ERC2: variants seen among roughly 807,000 people sequenced by gnomAD.
ERC2 encodes the protein ELKS/RAB6-interacting/CAST family member 2.
ERC2 carries 42 observed loss-of-function variants against 114.8 expected under a neutral mutation model. The observed-to-expected ratio is 0.37, with a 90% CI of 0.29 to 0.47. The LOEUF is 0.47. ERC2 is among the 20% of genes least tolerant of loss of function. The pLI is 0.99. For missense variants in ERC2, 939 were observed against 1,150.7 expected, an observed-to-expected ratio of 0.82 and a Z score of 2.66; for synonymous variants, 454 against 425.5, an observed-to-expected ratio of 1.07 and a Z score of -0.82.
At chr3:55,803,817 G>T (rs909688611) in intron 14 of ERC2, among the ~76,000 whole-genome samples, 3 of 152,128 alleles carry the variant, frequency 2.0e-5, no homozygotes, top group African/African-American at 7.2e-5. Context: ...TCATGATTTA[G>T]TCTCTTGCTT....
At chr3:55,907,630 T>C (rs1490842254) in intron 13 of ERC2, among the ~76,000 whole-genome samples, 4 of 152,166 alleles carry the variant, frequency 2.6e-5, no homozygotes, top group African/African-American at 9.7e-5. Flanking sequence ...GAGAGATCCA[T>C]CAGTATAAAA....
intron 3 of ERC2, among the ~76,000 whole-genome samples, chr3:56,279,873 G>C (rs2150317835): frequency 6.6e-6 from 1 of 152,274 alleles, no homozygotes; most frequent in Admixed American, 6.5e-5. Flanking sequence ...GTGATATATT[G>C]GATACAGAGG....
At chr3:55,776,177 C>T (rs542861993) in intron 14 of ERC2, among the ~76,000 whole-genome samples, 52 of 149,618 alleles carry the variant, frequency 3.5e-4, no homozygotes, top group Non-Finnish European at 6.6e-4. Context: ...AGTTTAGTAA[C>T]TGACCAAGTG....
intron 17 of ERC2, among the ~76,000 whole-genome samples, chr3:55,673,808 T>G (rs1342850966): frequency 4.7e-5 from 7 of 147,648 alleles, no homozygotes; most frequent in Admixed American, 6.7e-5. Flanking sequence ...TACCAAGTTT[T>G]TTTTTTTTTT....
intron 15 of ERC2, among the ~76,000 whole-genome samples, chr3:55,725,958 C>T (rs1273972376): frequency 6.6e-6 from 1 of 152,170 alleles, no homozygotes; most frequent in African/African-American, 2.4e-5. Context: ...TACCCAATTG[C>T]TTGGACATTA....
At chr3:55,521,851 G>A (rs1827170) in intron 17 of ERC2, among the ~76,000 whole-genome samples, 3 of 152,194 alleles carry the variant, frequency 2.0e-5, no homozygotes, top group Admixed American at 6.5e-5. Flanking sequence ...GTTGACACAC[G>A]CTGGCCTGGG....
chr3:55,546,822 T>TA (rs1327533577), intron 17 of ERC2, among the ~76,000 whole-genome samples: 1 of 152,234 alleles, frequency 6.6e-6, no homozygotes, highest in African/African-American at 2.4e-5. Context: ...CCCAGCCACT[T>TA]ACAACTTATG....
At chr3:56,010,891 TC>T (rs2072872899) in intron 8 of ERC2, among the ~76,000 whole-genome samples, 1 of 152,204 alleles carries the variant, frequency 6.6e-6, no homozygotes, top group Non-Finnish European at 1.5e-5. Flanking sequence ...CTAGAGCAGC[TC>T]TAGAAGAGGG....
intron 14 of ERC2, among the ~76,000 whole-genome samples, chr3:55,875,724 A>ACACACACACACACACACTCT (rs1491351730): frequency 1.8e-4 from 26 of 141,102 alleles, no homozygotes; most frequent in African/African-American, 6.1e-4. Context: ...ACACACACAC[A>ACACACACACACACACACTCT]CTCTCTCTCT....
chr3:55,942,455 A>ATTT (rs548251381), intron 13 of ERC2, among the ~76,000 whole-genome samples: 3 of 135,764 alleles, frequency 2.2e-5, no homozygotes, highest in African/African-American at 8.1e-5. Flanking sequence ...CGCCCGGCTA[A>ATTT]TTTTTTTTTT....
intron 6 of ERC2, among the ~76,000 whole-genome samples, chr3:56,107,459 C>A (rs1458562579): frequency 6.6e-6 from 1 of 152,098 alleles, no homozygotes; most frequent in African/African-American, 2.4e-5. Flanking sequence ...CAGGCTGCAC[C>A]CTTACTGACC....
intron 17 of ERC2, among the ~76,000 whole-genome samples, chr3:55,638,128 A>G (rs1328836052): frequency 6.6e-6 from 1 of 152,086 alleles, no homozygotes; most frequent in East Asian, 1.9e-4. Flanking sequence ...TCCTCCCACA[A>G]CAAAAAGTCA....
At chr3:56,274,658 G>A (rs1050447094) in intron 3 of ERC2, among the ~76,000 whole-genome samples, 2 of 152,176 alleles carry the variant, frequency 1.3e-5, no homozygotes, top group African/African-American at 2.4e-5. Context: ...TGTTCTGTGT[G>A]TATGTACCTT....
chr3:56,354,321 A>G (rs184867099), intron 2 of ERC2, among the ~76,000 whole-genome samples: 2 of 152,342 alleles, frequency 1.3e-5, no homozygotes, highest in African/African-American at 4.8e-5. Flanking sequence ...ACCAGTTGCC[A>G]CTGCCACATT....
intron 14 of ERC2, among the ~76,000 whole-genome samples, chr3:55,740,140 T>C (rs1182290752): frequency 2.0e-5 from 3 of 152,176 alleles, no homozygotes; most frequent in African/African-American, 7.2e-5. Context: ...CTCACTTTAC[T>C]GTCAGAGAAA....
chr3:56,280,692 G>A (rs1468244732), intron 3 of ERC2, among the ~76,000 whole-genome samples: 1 of 152,168 alleles, frequency 6.6e-6, no homozygotes, highest in Admixed American at 6.5e-5. Context: ...GGTCTACCGA[G>A]TTTTCATGTT....
chr3:56,262,243 G>A (rs1197929555), intron 3 of ERC2, among the ~76,000 whole-genome samples: 1 of 152,176 alleles, frequency 6.6e-6, no homozygotes, highest in Non-Finnish European at 1.5e-5. Context: ...CCCCTGCTGT[G>A]TGGCTTGAAG....
intron 1 of ERC2, among the ~76,000 whole-genome samples, chr3:56,459,353 T>C (rs758325215): frequency 6.6e-6 from 1 of 152,224 alleles, no homozygotes; most frequent in African/African-American, 2.4e-5. Flanking sequence ...CCATTCAAGC[T>C]CTTGTCTTCT....
At chr3:55,894,052 C>A (rs1406182089) in intron 13 of ERC2, among the ~76,000 whole-genome samples, 1 of 152,056 alleles carries the variant, frequency 6.6e-6, no homozygotes, top group South Asian at 2.1e-4. Flanking sequence ...GGCGGAGCAG[C>A]GTAGTGGCTT....
Sources: allele counts gnomAD v4.1 joint callset (sites outside exome capture counted in the v4.1 genomes callset), GRCh38; gene constraint gnomAD v4.1.1; transcripts MANE v1.5; gene names NCBI Gene and HGNC (gene_info 2026-07-23, HGNC 2026-07-21).